Variants in GRIK2 observed in about 807,000 individuals in gnomAD.
GRIK2 encodes glutamate ionotropic receptor kainate type subunit 2.
GRIK2 carries 32 observed loss-of-function variants against 100.3 expected under a neutral mutation model. That is an observed-to-expected ratio of 0.32 (90% CI 0.24 to 0.43). GRIK2 has a LOEUF of 0.43. GRIK2 is among the 20% of genes least tolerant of loss of function. The pLI, the probability that GRIK2 is intolerant of heterozygous loss-of-function variation, is 1.00. For synonymous variants in GRIK2, 417 were observed against 389.4 expected, an observed-to-expected ratio of 1.07 and a Z score of -0.83; for missense variants, 843 against 1,114.9, an observed-to-expected ratio of 0.76 and a Z score of 3.47.
chr6:101,790,104 G>A (rs938729726), intron 7 of GRIK2, among the ~76,000 whole-genome samples: 7 of 152,216 alleles, frequency 4.6e-5, no homozygotes, highest in East Asian at 3.9e-4. Flanking sequence ...AGGAGATATC[G>A]GGCTGAGACA....
At chr6:102,062,116 A>G (rs1418748026) in intron 16 of GRIK2, among the ~76,000 whole-genome samples, 6 of 150,390 alleles carry the variant, frequency 4.0e-5, no homozygotes, top group African/African-American at 1.5e-4. Flanking sequence ...GCAAAATACA[A>G]TATGAGGATA....
At chr6:101,534,671 A>G (rs1301739248) in intron 2 of GRIK2, among the ~76,000 whole-genome samples, 1 of 151,860 alleles carries the variant, frequency 6.6e-6, no homozygotes, top group East Asian at 1.9e-4. Context: ...CCTTTGAAGC[A>G]TATTATCCTA....
At chr6:101,825,495 T>A (rs1782262605) in intron 10 of GRIK2, among the ~76,000 whole-genome samples, 1 of 152,128 alleles carries the variant, frequency 6.6e-6, no homozygotes, top group South Asian at 2.1e-4. Context: ...GGGTCTTAAT[T>A]TCTAAAGCCT....
chr6:101,677,855 G>C (rs1030756087), intron 5 of GRIK2, among the ~76,000 whole-genome samples: 2 of 152,084 alleles, frequency 1.3e-5, no homozygotes, highest in Non-Finnish European at 2.9e-5. Context: ...TTAAGCAGAT[G>C]TTTATCCAAT....
intron 7 of GRIK2, among the ~76,000 whole-genome samples, chr6:101,760,053 T>C (rs1232812474): frequency 7.1e-6 from 1 of 141,076 alleles, no homozygotes; most frequent in African/African-American, 2.8e-5. Flanking sequence ...GTATTTTTAG[T>C]AGAGACGGGG....
chr6:101,477,339 G>A (rs938925719), intron 2 of GRIK2, among the ~76,000 whole-genome samples: 3 of 152,116 alleles, frequency 2.0e-5, no homozygotes, highest in Non-Finnish European at 4.4e-5. Flanking sequence ...TCATCAGAAC[G>A]GTAAGGGATA....
Position 102,016,975 on chromosome 6 carries a change from C to T in GRIK2, c.2086-18366C>T, listed in dbSNP as rs137863109. On this transcript the variant is annotated intron_variant, in intron 14 of 16. Coordinates refer to ENST00000369134, the MANE Select transcript of GRIK2 (RefSeq NM_021956.5). ...GAAGAGATTGGGGCCTCATATTCAA[C>T]ATTCTTAAAGAAAAGAACTCCCAAC... Among the ~76,000 whole-genome samples, 714 of 152,232 alleles carry T rather than the reference C, an allele frequency of 4.7e-3. 4 individuals are homozygous for T. The highest frequency in any genetic ancestry group is 0.017 in the Middle Eastern group (5 of 294).
chr6:101,564,857 C>T (rs1158132676), intron 2 of GRIK2, among the ~76,000 whole-genome samples: 1 of 152,104 alleles, frequency 6.6e-6, no homozygotes, highest in Non-Finnish European at 1.5e-5. Flanking sequence ...GACAATAGCA[C>T]TCCGATGTAT....
At chr6:101,896,574 T>G (rs1429149027) in intron 12 of GRIK2, among the ~76,000 whole-genome samples, 1 of 151,776 alleles carries the variant, frequency 6.6e-6, no homozygotes, top group South Asian at 2.1e-4. Context: ...AGGCCAAAAT[T>G]AAGTATAAAC....
At chr6:101,723,252 C>CA (rs1269497282) in intron 7 of GRIK2, among the ~76,000 whole-genome samples, 2 of 151,616 alleles carry the variant, frequency 1.3e-5, no homozygotes, top group Non-Finnish European at 1.5e-5. Flanking sequence ...TAGTGTTTCA[C>CA]AAAAAATAAA....
At chr6:101,792,003 T>A (rs2128408622) in intron 7 of GRIK2, among the ~76,000 whole-genome samples, 1 of 152,216 alleles carries the variant, frequency 6.6e-6, no homozygotes, top group African/African-American at 2.4e-5. Flanking sequence ...GTTTAAAGTC[T>A]GTTTTATCAG....
intron 16 of GRIK2, among the ~76,000 whole-genome samples, chr6:102,062,396 A>T (rs182382774): frequency 4.8e-4 from 72 of 150,552 alleles, no homozygotes; most frequent in South Asian, 3.7e-3. Flanking sequence ...TAATATGATA[A>T]AGCTTTCATA....
intron 7 of GRIK2, among the ~76,000 whole-genome samples, chr6:101,786,523 A>G (rs184810069): frequency 6.6e-6 from 1 of 151,970 alleles, no homozygotes; most frequent in South Asian, 2.1e-4. Context: ...AATTTTATCA[A>G]ATGTTTTTCT....
At chr6:101,978,188 A>G (rs972766797) in intron 14 of GRIK2, among the ~76,000 whole-genome samples, 2 of 151,934 alleles carry the variant, frequency 1.3e-5, no homozygotes, top group Admixed American at 6.6e-5. Flanking sequence ...GTTATGGATC[A>G]AATTTGATGG....
intron 14 of GRIK2, among the ~76,000 whole-genome samples, chr6:101,935,504 G>A (rs1168442083): frequency 1.3e-5 from 2 of 151,922 alleles, no homozygotes; most frequent in East Asian, 3.9e-4. Context: ...AAAGCATAAA[G>A]GTCCATATTT....
chr6:101,787,737 G>A (rs1779528949), intron 7 of GRIK2, among the ~76,000 whole-genome samples: 1 of 151,964 alleles, frequency 6.6e-6, no homozygotes, highest in Non-Finnish European at 1.5e-5. Context: ...TGTTTTTCCT[G>A]GACTGTTTTG....
At chr6:101,809,934 G>A (rs1290893864) in intron 9 of GRIK2, among the ~76,000 whole-genome samples, 2 of 151,900 alleles carry the variant, frequency 1.3e-5, no homozygotes, top group African/African-American at 2.4e-5. Context: ...ATTTATGAAT[G>A]ATGTTTATGT....
At chr6:101,477,626 T>A (rs545573684) in intron 2 of GRIK2, among the ~76,000 whole-genome samples, 4 of 152,338 alleles carry the variant, frequency 2.6e-5, no homozygotes, top group African/African-American at 4.8e-5. Flanking sequence ...TATTCATATC[T>A]GCCTGCTGCA....
intron 14 of GRIK2, among the ~76,000 whole-genome samples, chr6:101,949,613 G>A (rs1168030410): frequency 6.6e-6 from 1 of 151,976 alleles, no homozygotes; most frequent in Non-Finnish European, 1.5e-5. Context: ...GTGGTGTTTG[G>A]TTTTCTGTTC....
Sources: gnomAD v4.1 joint callset for allele counts (sites outside exome capture counted in the v4.1 genomes callset) on GRCh38, gnomAD v4.1.1 for gene constraint, MANE v1.5 for transcripts, NCBI Gene and HGNC (gene_info 2026-07-23, HGNC 2026-07-21) for gene names.